RTN4: variants seen among roughly 807,000 people sequenced by gnomAD.
RTN4 encodes reticulon 4.
RTN4 carries 32 observed loss-of-function variants against 90.4 expected under a neutral mutation model. The ratio of observed to expected loss-of-function variants is 0.35; its 90% CI spans 0.27 to 0.48. The LOEUF is 0.48. Among genes scored for constraint, RTN4 ranks in the 20% least tolerant of loss-of-function variants. The pLI, the probability that RTN4 is intolerant of heterozygous loss-of-function variation, is 0.99. For missense variants in RTN4, 1,706 were observed against 1,430.2 expected (o/e 1.19, Z -3.11); for synonymous variants, 629 against 552.5 (o/e 1.14, Z -1.94).
At chr2:55,000,023 AC>A (rs1441919147) in intron 3 of RTN4, among the ~76,000 whole-genome samples, 1 of 152,114 alleles carries the variant, frequency 6.6e-6, no homozygotes, top group African/African-American at 2.4e-5. Flanking sequence ...GAAAAATAAT[AC>A]CCACCCCTAA....
At chr2:55,126,317 C>T in the RTN4 span, among the ~76,000 whole-genome samples, 1 of 151,078 alleles carries the variant, frequency 6.6e-6, no homozygotes, top group Admixed American at 6.6e-5. Context: ...TATGATGAGC[C>T]GAGATGGCAC....
In RTN4 at chr2:55,026,234, G is replaced by A; in HGVS notation, c.1865C>T (p.Ser622Phe). Residue 622 changes from serine (S) to phenylalanine (F), a missense_variant, in exon 3 of 9, where the codon TCT (serine) becomes TTT (phenylalanine). By Grantham distance (155) the Ser-to-Phe change is radical. Coordinates refer to ENST00000337526, the MANE Select transcript of RTN4 (RefSeq NM_020532.5). ...GGAAGCACCAGCACTAGGAACTGCA[G>A]AATTCAATGGTGCTTCCATAACAAT... ...PDIVMEAPLN[S>F]AVPSAGASVI... The A allele has an allele frequency of 6.2e-7, 1 of 1,613,834 alleles. No homozygotes were observed. Among genetic ancestry groups the A allele is most frequent in the South Asian group, 1.1e-5 (1 of 91,074 alleles).
chr2:55,132,891 T>TTG, the RTN4 span, among the ~76,000 whole-genome samples: 1 of 21,802 alleles, frequency 4.6e-5, no homozygotes. Context: ...TCCAGTTTTG[T>TTG]TGTTGTTTTT....
chr2:54,993,291 T>C (rs2104705937), intron 3 of RTN4, among the ~76,000 whole-genome samples: 1 of 152,290 alleles, frequency 6.6e-6, no homozygotes, highest in East Asian at 1.9e-4. Context: ...TCTGTTTCTA[T>C]TCGGTACTAC....
At chr2:54,974,604 A>G in intron 6 of RTN4, 91 bp downstream of exon 6, 1 of 1,092,426 alleles carries the variant, frequency 9.2e-7, no homozygotes, top group Non-Finnish European at 1.4e-6. Flanking sequence ...CCTACTTTTC[A>G]TACAATGAGA....
chr2:55,099,196 G>GA (rs1165750042), intron 1 of RTN4, among the ~76,000 whole-genome samples: 2 of 151,872 alleles, frequency 1.3e-5, no homozygotes, highest in Non-Finnish European at 2.9e-5. Context: ...AAGGAAGGCA[G>GA]AAAAAAATGG....
At chr2:55,020,502 A>G (rs546611671) in intron 3 of RTN4, among the ~76,000 whole-genome samples, 1 of 152,212 alleles carries the variant, frequency 6.6e-6, no homozygotes, top group East Asian at 1.9e-4. Context: ...AAAAATCAGT[A>G]TTTACATTCC....
At chr2:55,044,693 T>C (rs751665418) in intron 1 of RTN4, among the ~76,000 whole-genome samples, 12 of 150,666 alleles carry the variant, frequency 8.0e-5, no homozygotes, top group Admixed American at 4.0e-4. Context: ...TAGCATGTTT[T>C]CTAAACACTA....
At chr2:55,129,372 G>T in the RTN4 span, among the ~76,000 whole-genome samples, 1 of 152,114 alleles carries the variant, frequency 6.6e-6, no homozygotes, top group East Asian at 1.9e-4. Context: ...CCAGGAGTTC[G>T]TGACCAGCTT....
Position 54,991,246 on chromosome 2 carries a change from T to G in RTN4, c.3014-3548A>C, listed in dbSNP as rs552620878. ...TCATTAAAAACTACTCAGTAAAACC[T>G]GGCCATGAAATCAATGACTTTAGAT... On this transcript the variant is annotated intron_variant, in intron 3 of 8. Coordinates refer to ENST00000337526, the MANE Select transcript of RTN4 (RefSeq NM_020532.5). 4.6e-5 allele frequency among the ~76,000 whole-genome samples: 7 copies of G among 152,322 alleles called. No homozygotes were observed. In the South Asian group the frequency reaches 1.4e-3, roughly 32 times the overall value.
intron 4 of RTN4, among the ~76,000 whole-genome samples, chr2:54,986,061 A>C (rs965083681): frequency 2.6e-5 from 4 of 152,216 alleles, no homozygotes; most frequent in Admixed American, 6.5e-5. Context: ...CTAAGAACCA[A>C]ATAAAAAGTA....
chr2:55,109,616 TAGAA>T (rs772415349), intron 1 of RTN4, among the ~76,000 whole-genome samples: 4 of 151,302 alleles, frequency 2.6e-5, no homozygotes, highest in Non-Finnish European at 5.9e-5. Flanking sequence ...AAACACCTTT[TAGAA>T]AAGGAAGCAC....
chr2:55,116,091 C>CTTTTTTTT (rs5831339), upstream of RTN4, among the ~76,000 whole-genome samples: 24 of 105,438 alleles, frequency 2.3e-4, no homozygotes, highest in South Asian at 6.6e-4. Flanking sequence ...GGGGACTAGT[C>CTTTTTTTT]TTTTTTTTTT....
At chr2:55,006,080 A>C (rs1680199608) in intron 3 of RTN4, among the ~76,000 whole-genome samples, 1 of 152,174 alleles carries the variant, frequency 6.6e-6, no homozygotes, top group South Asian at 2.1e-4. Flanking sequence ...ATAAATACTT[A>C]ATGGAGGAAA....
chr2:55,003,543 T>C (rs971256451), intron 3 of RTN4, among the ~76,000 whole-genome samples: 1 of 152,168 alleles, frequency 6.6e-6, no homozygotes, highest in African/African-American at 2.4e-5. Flanking sequence ...AAATGTGGTG[T>C]CAGATCACTG....
exon 2 of RTN4, chr2:55,080,593 G>T (rs1288634032): frequency 2.0e-5 from 3 of 151,884 alleles, no homozygotes; most frequent in Admixed American, 1.3e-4. Flanking sequence ...TTATTCCTCA[G>T]TGTTACTCAT....
At chr2:54,997,739 T>C (rs959399502) in intron 3 of RTN4, among the ~76,000 whole-genome samples, 3 of 152,198 alleles carry the variant, frequency 2.0e-5, no homozygotes, top group African/African-American at 7.2e-5. Context: ...TAGAGTTTCC[T>C]GCAGTCAACC....
chr2:55,026,663 ATGTT>A lies in RTN4; in HGVS notation c.1432_1435del (p.Asn478PhefsTer5). On this transcript the variant is annotated frameshift_variant, in exon 3 of 9. Coordinates refer to ENST00000337526, the MANE Select transcript of RTN4 (RefSeq NM_020532.5). LOFTEE classifies it high-confidence loss of function. ...AGTAGGATCTCCTAACAAAGGAAAA[ATGTT>A]TGTTGCAATGCTCTCAGTTGCTGCT... 1 of 1,613,510 alleles carries A rather than the reference ATGTT, an allele frequency of 6.2e-7. No homozygotes were observed. The highest frequency in any genetic ancestry group is 8.5e-7 in the Non-Finnish European group (1 of 1,179,866).
chr2:55,062,666 A>AT (rs1668322084), intron 2 of RTN4, among the ~76,000 whole-genome samples: 1 of 152,216 alleles, frequency 6.6e-6, no homozygotes, highest in African/African-American at 2.4e-5. Context: ...TGACCCCTGG[A>AT]TTGAGGTGAT....
Sources: allele counts gnomAD v4.1 joint callset (sites outside exome capture counted in the v4.1 genomes callset), GRCh38; gene constraint gnomAD v4.1.1; transcripts MANE v1.5; gene names NCBI Gene and HGNC (gene_info 2026-07-23, HGNC 2026-07-21).